The following NOL4L variants were observed in gnomAD, a reference collection of about 807,000 sequenced individuals.
NOL4L encodes the protein nucleolar protein 4-like.
Under a neutral mutation model 64.5 loss-of-function variants are expected in NOL4L, and 7 were observed. The observed-to-expected ratio is 0.11, with a 90% CI of 0.06 to 0.20. The LOEUF (loss-of-function observed/expected upper bound fraction) is 0.20. Ranked by LOEUF, NOL4L falls within the 10% of genes least tolerant of loss-of-function variation. The pLI, the probability that NOL4L is intolerant of heterozygous loss-of-function variation, is 1.00. For missense variants in NOL4L, 680 were observed against 967.1 expected, an observed-to-expected ratio of 0.70 and a Z score of 3.94; for synonymous variants, 413 against 401.0, an observed-to-expected ratio of 1.03 and a Z score of -0.36.
At chr20:32,521,192 T>C (rs922470359) in intron 2 of NOL4L, among the ~76,000 whole-genome samples, 7 of 152,352 alleles carry the variant, frequency 4.6e-5, no homozygotes, top group Non-Finnish European at 8.8e-5. Flanking sequence ...CTTTAACCTA[T>C]ATTCTAATAA....
chr20:32,488,772 TTCC>T (rs2016226226), intron 4 of NOL4L, among the ~76,000 whole-genome samples: 7 of 54,042 alleles, frequency 1.3e-4, no homozygotes, highest in African/African-American at 9.8e-4. Context: ...CCTTCCTTCC[TTCC>T]TTCCTTCCTT....
At chr20:32,484,252 CG>C (rs1359705161) in intron 4 of NOL4L, among the ~76,000 whole-genome samples, 2 of 151,960 alleles carry the variant, frequency 1.3e-5, no homozygotes, top group Non-Finnish European at 2.9e-5. Context: ...CTCCCCCGGG[CG>C]GCCGGAGCGA....
At position 32,527,916 on chromosome 20, in the gene NOL4L, G is replaced by A; in HGVS notation, c.322-3C>T. ...GGCTCCGACAGGCCATCTGCCCCCT[G>A]CGACAGGGTGGACAAGCTGTGTTAG... On this transcript the variant is annotated splice_polypyrimidine_tract_variant and splice_region_variant and intron_variant, in intron 1 of 10. Transcript: ENST00000621426. 6.5e-7 allele frequency: 1 copy of A among 1,549,858 alleles called. No individual in the cohort carries two copies. The highest frequency in any genetic ancestry group is 8.7e-7 in the Non-Finnish European group (1 of 1,146,628).
At chr20:32,552,835 T>G (rs944461916) in intron 1 of NOL4L, among the ~76,000 whole-genome samples, 10 of 151,884 alleles carry the variant, frequency 6.6e-5, no homozygotes, top group African/African-American at 2.4e-4. Context: ...AAACCCAGTC[T>G]CTACTGAAAT....
chr20:32,474,677 C>A lies in NOL4L; in HGVS notation c.765G>T (p.Pro255=). 6.2e-7 allele frequency: 1 copy of A among 1,613,754 alleles called. No individual in the cohort carries two copies. ...TGGGGCTCAGGCTGGAGGCCAGGTG[C>A]GGGTCAGCTGACATCCATGTGGAGT... ...MSDSTWMSAD[P]HLASSLSPSQ... is the part of the protein sequence containing the mutation. The change falls in exon 5 of 11, where the codon CCG becomes CCT. Residue 255 remains proline (P), a synonymous_variant. Transcript: ENST00000621426.
intron 4 of NOL4L, 91 bp from the exon 5 acceptor site, chr20:32,474,833 C>G: frequency 6.8e-7 from 1 of 1,466,340 alleles, no homozygotes; most frequent in Non-Finnish European, 9.1e-7. Flanking sequence ...GGCCAGTGGG[C>G]GTTTGGGAGT....
rs1568654908 is a variant in NOL4L at position 32,494,252 on chromosome 20, G to GAA, written c.699+17094_699+17095insTT. Among the ~76,000 whole-genome samples, 22 of 27,094 alleles carry GAA rather than the reference G, an allele frequency of 8.1e-4. 1 individual carries two copies. Among genetic ancestry groups the GAA allele is most frequent in the African/African-American group, 3.4e-3 (22 of 6,482 alleles). 17.8% of individuals were successfully genotyped at this position (27,094 alleles called of 152,430 possible). A position where few individuals can be genotyped will look rare whatever the true frequency, so the allele number is the denominator to read the frequency against. Reference sequence around the variant, plus strand: ...TGGGCCACAGAGTGAGATAATCTCGGGAAAAAAAAAAAAAAAAAAAAAAAA... The same window carrying GAA: ...TGGGCCACAGAGTGAGATAATCTCGGAAGAAAAAAAAAAAAAAAAAAAAAAAA... On this transcript the variant is annotated intron_variant, in intron 4 of 10. Transcript: ENST00000621426.
intron 4 of NOL4L, among the ~76,000 whole-genome samples, chr20:32,475,532 C>T (rs933487018): frequency 2.6e-5 from 4 of 152,244 alleles, no homozygotes; most frequent in African/African-American, 7.2e-5. Flanking sequence ...GCCAGTCATC[C>T]GGGAACCCCC....
rs760632730 is a variant in NOL4L at position 32,452,328 on chromosome 20, T to A, written c.1730A>T (p.Asn577Ile). 6.2e-7 allele frequency: 1 copy of A among 1,609,676 alleles called. No individual in the cohort carries two copies. Among genetic ancestry groups the A allele is most frequent in the Admixed American group, 1.7e-5 (1 of 59,566 alleles). ...SSYSQDPVYA[N>I]GGLNYSYRGY... ...GCGGTAACTGTAGTTGAGGCCGCCG[T>A]TGGCGTACACAGGGTCCTGGGAGTA... The change falls in exon 10 of 11, where the codon AAC (asparagine) becomes ATC (isoleucine). Residue 577 changes from asparagine (N) to isoleucine (I), a missense_variant. Around this residue, in one of 4 missense-constraint regions of NOL4L, gnomAD observed 175 missense variants for 227.0 expected, o/e 0.77. Transcript: ENST00000621426.
intron 5 of NOL4L, among the ~76,000 whole-genome samples, chr20:32,457,425 C>A (rs1378265135): frequency 6.6e-6 from 1 of 152,152 alleles, no homozygotes; most frequent in East Asian, 1.9e-4. Flanking sequence ...GCGGGCCCTG[C>A]CGCCCCTTCC....
intron 1 of NOL4L, among the ~76,000 whole-genome samples, chr20:32,545,566 G>A (rs561610386): frequency 4.2e-5 from 6 of 143,494 alleles, no homozygotes; most frequent in African/African-American, 7.6e-5. Flanking sequence ...CCCCCGACCC[G>A]CCCACAGCCC....
At chr20:32,527,092 C>G (rs1339199707) in intron 2 of NOL4L, among the ~76,000 whole-genome samples, 1 of 152,236 alleles carries the variant, frequency 6.6e-6, no homozygotes, top group Non-Finnish European at 1.5e-5. Context: ...CTTCTCCACA[C>G]AGTCCCCCGG....
chr20:32,462,578 C>T (rs995901521), intron 5 of NOL4L, among the ~76,000 whole-genome samples: 2 of 147,166 alleles, frequency 1.4e-5, no homozygotes, highest in African/African-American at 2.6e-5. Context: ...GGTTTTGATC[C>T]GATTGGAATT....
Position 32,541,314 on chromosome 20 carries a change from G to A in NOL4L, c.322-13401C>T, listed in dbSNP as rs191838381. Among the ~76,000 whole-genome samples, 665 of 152,338 alleles carry A rather than the reference G, an allele frequency of 4.4e-3. 7 individuals are homozygous for A. Among genetic ancestry groups the A allele is most frequent in the African/African-American group, 0.015 (630 of 41,576 alleles). On this transcript the variant is annotated intron_variant, in intron 1 of 10. Coordinates refer to ENST00000621426, the MANE Select transcript of NOL4L (RefSeq NM_001256798.2). ...CTGAGGACAGAGTCTGGAACTGAAT[G>A]CAGGGCACTCTGAAGCTGGAGCTCA...
chr20:32,529,699 G>T (rs1465887769), intron 1 of NOL4L, among the ~76,000 whole-genome samples: 2 of 152,170 alleles, frequency 1.3e-5, no homozygotes, highest in African/African-American at 4.8e-5. Flanking sequence ...TCCCTAAGTG[G>T]TAACCCTGGG....
chr20:32,553,137 G>A (rs759092097), intron 1 of NOL4L, among the ~76,000 whole-genome samples: 35 of 152,074 alleles, frequency 2.3e-4, no homozygotes, highest in East Asian at 1.3e-3. Flanking sequence ...ATCCTGTGGC[G>A]CGCCCTTCAA....
At chr20:32,533,956 C>A (rs2018428934) in intron 1 of NOL4L, among the ~76,000 whole-genome samples, 1 of 152,214 alleles carries the variant, frequency 6.6e-6, no homozygotes, top group African/African-American at 2.4e-5. Flanking sequence ...TTAAATGGAC[C>A]CCTGCCCCTG....
chr20:32,531,516 C>T (rs1227962463), intron 1 of NOL4L, among the ~76,000 whole-genome samples: 2 of 152,074 alleles, frequency 1.3e-5, no homozygotes, highest in African/African-American at 2.4e-5. Context: ...CCACACCTGG[C>T]TAATTTTTGT....
At chr20:32,483,553 G>A in intron 4 of NOL4L, 2 of 976,750 alleles carry the variant, frequency 2.0e-6, no homozygotes, top group Non-Finnish European at 1.2e-6. Flanking sequence ...GAGGGCCCAG[G>A]CGAGCAGCGG....
Sources: allele counts gnomAD v4.1 joint callset (sites outside exome capture counted in the v4.1 genomes callset), GRCh38; gene constraint gnomAD v4.1.1; regional missense constraint gnomAD v4.1.1; transcripts MANE v1.5; gene names NCBI Gene and HGNC (gene_info 2026-07-23, HGNC 2026-07-21).